Variants in STAU2 observed in about 807,000 individuals in gnomAD.
The protein encoded by STAU2 is double-stranded RNA-binding protein Staufen homolog 2.
A neutral mutation model predicts 65.9 loss-of-function variants in STAU2; 20 were observed. The ratio of observed to expected loss-of-function variants is 0.30; its 90% CI spans 0.21 to 0.44. STAU2 has a LOEUF of 0.44. Among genes scored for constraint, STAU2 ranks in the 20% least tolerant of loss-of-function variants. The probability of loss-of-function intolerance (pLI) is 1.00; values close to 1 mark genes in which losing one functional copy is unlikely to be tolerated. For missense variants in STAU2, 558 were observed against 683.9 expected, an observed-to-expected ratio of 0.82 and a Z score of 2.05; for synonymous variants, 232 against 233.9, an observed-to-expected ratio of 0.99 and a Z score of 0.07.
At chr8:73,637,032 T>C (rs1301456500) in intron 6 of STAU2, among the ~76,000 whole-genome samples, 1 of 151,954 alleles carries the variant, frequency 6.6e-6, no homozygotes, top group Admixed American at 6.6e-5. Flanking sequence ...ATTCACTGGA[T>C]AGACATAATA....
At chr8:73,423,668 T>C (rs1563580942) in intron 13 of STAU2, among the ~76,000 whole-genome samples, 1 of 152,220 alleles carries the variant, frequency 6.6e-6, no homozygotes, top group African/African-American at 2.4e-5. Context: ...AGAGCTCCTT[T>C]AGGGTAGCTG....
At chr8:73,654,482 T>C (rs1816142736) in intron 6 of STAU2, among the ~76,000 whole-genome samples, 1 of 150,684 alleles carries the variant, frequency 6.6e-6, no homozygotes, top group Admixed American at 6.6e-5. Context: ...TGAGACCCCA[T>C]CTCTACAAAA....
At chr8:73,731,355 A>C (rs902837202) in intron 3 of STAU2, among the ~76,000 whole-genome samples, 1 of 151,910 alleles carries the variant, frequency 6.6e-6, no homozygotes, top group African/African-American at 2.4e-5. Flanking sequence ...TGATCTTCCC[A>C]AATTTTTATC....
At chr8:73,706,116 GA>G (rs1267606485) in intron 4 of STAU2, among the ~76,000 whole-genome samples, 2 of 150,618 alleles carry the variant, frequency 1.3e-5, no homozygotes, top group African/African-American at 2.4e-5. Context: ...AATGTACCAA[GA>G]AAAAAAATTT....
At chr8:73,514,082 G>T (rs1474018883) in intron 13 of STAU2, among the ~76,000 whole-genome samples, 1 of 152,144 alleles carries the variant, frequency 6.6e-6, no homozygotes. Flanking sequence ...AAGGGAATTT[G>T]TTCAGCTCTC....
intron 6 of STAU2, among the ~76,000 whole-genome samples, chr8:73,654,637 CAAAAA>C (rs71269928): frequency 0.028 from 743 of 26,288 alleles, 11 homozygotes; most frequent in African/African-American, 0.094. Context: ...AAGATTGTCT[CAAAAA>C]AAAAAAAAAA....
At chr8:73,454,234 A>C (rs562258973) in intron 13 of STAU2, among the ~76,000 whole-genome samples, 1 of 152,318 alleles carries the variant, frequency 6.6e-6, no homozygotes, top group South Asian at 2.1e-4. Flanking sequence ...ACACATTCAT[A>C]AAGTTGTGTT....
chr8:73,730,937 T>A (rs1478135192), intron 3 of STAU2, among the ~76,000 whole-genome samples: 1 of 152,166 alleles, frequency 6.6e-6, no homozygotes. Context: ...TTTTACATTG[T>A]TGGGTTCTGA....
At chr8:73,685,381 C>CTT (rs1291568249) in intron 5 of STAU2, among the ~76,000 whole-genome samples, 12 of 139,410 alleles carry the variant, frequency 8.6e-5, no homozygotes, top group African/African-American at 1.0e-4. Flanking sequence ...CTTTTTTTTT[C>CTT]TTTTTTTTTT....
intron 13 of STAU2, chr8:73,439,193 G>T: frequency 2.7e-6 from 1 of 374,816 alleles, no homozygotes; most frequent in South Asian, 2.0e-5. Context: ...TGCGCAGTTG[G>T]GAAGACATGT....
At chr8:73,577,198 G>A (rs1435946275) in intron 12 of STAU2, among the ~76,000 whole-genome samples, 1 of 152,128 alleles carries the variant, frequency 6.6e-6, no homozygotes, top group Non-Finnish European at 1.5e-5. Context: ...GGAGGCCAAG[G>A]TGGGCAGATC....
chr8:73,747,181 C>G, upstream of STAU2: 3 of 546,896 alleles, frequency 5.5e-6, no homozygotes, highest in Non-Finnish European at 9.1e-6. Flanking sequence ...TCCCGGGGGG[C>G]TTGGGCACGC....
intron 5 of STAU2, among the ~76,000 whole-genome samples, chr8:73,679,726 A>C (rs1027870137): frequency 7.9e-6 from 1 of 126,572 alleles, no homozygotes; most frequent in Non-Finnish European, 1.7e-5. Context: ...TAAAAATACA[A>C]AAAAAAAAAA....
chr8:73,702,776 A>C (rs1820205702), intron 4 of STAU2, among the ~76,000 whole-genome samples: 1 of 152,148 alleles, frequency 6.6e-6, no homozygotes. Flanking sequence ...ACTGATGACA[A>C]ACACACAAAA....
At chr8:73,646,806 G>A (rs1405895157) in intron 6 of STAU2, among the ~76,000 whole-genome samples, 1 of 151,672 alleles carries the variant, frequency 6.6e-6, no homozygotes, top group Non-Finnish European at 1.5e-5. Flanking sequence ...GAAAAGATTT[G>A]CAAACCACAT....
At chr8:73,640,933 T>C (rs1240865620) in intron 6 of STAU2, among the ~76,000 whole-genome samples, 2 of 152,122 alleles carry the variant, frequency 1.3e-5, no homozygotes, top group African/African-American at 4.8e-5. Context: ...TGAAGTATTC[T>C]TAATATTTCA....
intron 12 of STAU2, among the ~76,000 whole-genome samples, chr8:73,582,264 G>A (rs930936256): frequency 6.6e-6 from 1 of 151,870 alleles, no homozygotes; most frequent in Non-Finnish European, 1.5e-5. Flanking sequence ...AAATTCTAAT[G>A]ACTCAGCAAA....
At chr8:73,582,354 A>G (rs1168365574) in intron 12 of STAU2, among the ~76,000 whole-genome samples, 3 of 151,516 alleles carry the variant, frequency 2.0e-5, no homozygotes, top group Non-Finnish European at 4.4e-5. Context: ...ATTTGTGTGC[A>G]TAAAAAATAA....
intron 3 of STAU2, among the ~76,000 whole-genome samples, chr8:73,737,112 C>T (rs186962928): frequency 2.1e-4 from 32 of 152,058 alleles, no homozygotes; most frequent in African/African-American, 7.2e-4. Flanking sequence ...GGTGATCTAC[C>T]TGCCTTCGTC....
Sources: allele counts gnomAD v4.1 joint callset (sites outside exome capture counted in the v4.1 genomes callset), GRCh38; gene constraint gnomAD v4.1.1; transcripts MANE v1.5; gene names NCBI Gene and HGNC (gene_info 2026-07-23, HGNC 2026-07-21).